Variants in RASGRP3 observed in about 807,000 individuals in gnomAD.
RASGRP3 encodes ras guanyl-releasing protein 3.
A neutral mutation model predicts 82.7 loss-of-function variants in RASGRP3; 54 were observed. The ratio of observed to expected loss-of-function variants is 0.65; its 90% CI spans 0.52 to 0.82. The LOEUF is 0.82. Ranked by LOEUF, RASGRP3 falls within the 40% of genes least tolerant of loss-of-function variation. RASGRP3 has a pLI of 0.00. For synonymous variants in RASGRP3, 309 were observed against 300.5 expected, an observed-to-expected ratio of 1.03 and a Z score of -0.29; for missense variants, 861 against 828.9, an observed-to-expected ratio of 1.04 and a Z score of -0.48.
chr2:33,466,052 T>C (rs1666678211), intron 2 of RASGRP3, among the ~76,000 whole-genome samples: 1 of 152,026 alleles, frequency 6.6e-6, no homozygotes. Flanking sequence ...AGTGTAGATG[T>C]ACAAAGAGAT....
chr2:33,509,290 T>C (rs1246186169), intron 1 of RASGRP3, among the ~76,000 whole-genome samples: 1 of 151,738 alleles, frequency 6.6e-6, no homozygotes, highest in Non-Finnish European at 1.5e-5. Flanking sequence ...TAATCACAGC[T>C]ACTTGGGAGG....
chr2:33,559,652 G>C (rs763617627), intron 17 of RASGRP3: 4 of 518,252 alleles, frequency 7.7e-6, no homozygotes, highest in African/African-American at 7.7e-5. Flanking sequence ...AAATTTATTA[G>C]TTAACAGTCT....
intron 17 of RASGRP3, among the ~76,000 whole-genome samples, chr2:33,560,835 AT>A (rs2151123904): frequency 6.6e-6 from 1 of 152,320 alleles, no homozygotes; most frequent in Admixed American, 6.5e-5. Flanking sequence ...GCTCATTACT[AT>A]TGGCCTCTCA....
chr2:33,557,401 T>G (rs1404253627), intron 15 of RASGRP3, among the ~76,000 whole-genome samples: 1 of 151,770 alleles, frequency 6.6e-6, no homozygotes, highest in Admixed American at 6.6e-5. Flanking sequence ...TTTTGGAAAA[T>G]GAAGAAGAGT....
At position 33,449,309 on chromosome 2, in the gene RASGRP3, C is replaced by A. The variant is rs189440036; in HGVS notation, c.-261+1366C>A. Among the ~76,000 whole-genome samples the A allele has an allele frequency of 5.3e-3, 813 of 152,270 alleles. 7 individuals carry two copies. Among genetic ancestry groups the A allele is most frequent in the Non-Finnish European group, 9.5e-3 (649 of 68,018 alleles). On this transcript the variant is annotated intron_variant, in intron 2 of 18. Transcript: ENST00000402538. ...ATATGCATATATGTTTTTTCTCAAC[C>A]AACCTTTCGTCATTGCAATTGAGAC...
At chr2:33,442,881 TTG>T (rs1235418509) in intron 1 of RASGRP3, among the ~76,000 whole-genome samples, 41 of 40,836 alleles carry the variant, frequency 1.0e-3, no homozygotes, top group Non-Finnish European at 1.6e-3. Context: ...GAAATCACTA[TTG>T]TTTTTTTTTT....
At chr2:33,472,270 C>T (rs1667102041), upstream of RASGRP3, among the ~76,000 whole-genome samples, 1 of 152,124 alleles carries the variant, frequency 6.6e-6, no homozygotes, top group Admixed American at 6.5e-5. Context: ...CACATGTAGA[C>T]CTAATTATAA....
chr2:33,533,400 G>C (rs1176719536), intron 10 of RASGRP3: 1 of 152,140 alleles, frequency 6.6e-6, no homozygotes, highest in Non-Finnish European at 1.5e-5. Flanking sequence ...GGGCCCCTAT[G>C]CATAGTAATA....
chr2:33,504,581 C>T (rs1395902014), intron 1 of RASGRP3, among the ~76,000 whole-genome samples: 3 of 152,318 alleles, frequency 2.0e-5, no homozygotes, highest in Non-Finnish European at 2.9e-5. Flanking sequence ...TGCTGCATTC[C>T]TGTGGAGCAA....
intron 2 of RASGRP3, among the ~76,000 whole-genome samples, chr2:33,467,068 C>A (rs1666739009): frequency 6.6e-6 from 1 of 150,472 alleles, no homozygotes; most frequent in African/African-American, 2.5e-5. Context: ...AACATACTAA[C>A]TATATATATA....
intron 11 of RASGRP3, among the ~76,000 whole-genome samples, chr2:33,538,842 C>A (rs2151066743): frequency 6.6e-6 from 1 of 152,096 alleles, no homozygotes; most frequent in Non-Finnish European, 1.5e-5. Flanking sequence ...AGTTAGAGAC[C>A]AGCCTGTGCA....
chr2:33,562,571 A>G lies in RASGRP3; in HGVS notation c.2065-158A>G, dbSNP rs1267897788. On this transcript the variant is annotated intron_variant, in intron 17 of 17. Transcript: ENST00000403687. ...TAGGTGTGAGCCACTGCACCCAGCT[A>G]CCTACATGATCTCCTAATTCCCACT... Among the ~76,000 whole-genome samples the G allele has an allele frequency of 3.9e-5, 6 of 152,184 alleles. No individual in the cohort carries two copies. The East Asian group carries it at 5.8e-4, about 15-fold the overall frequency.
At chr2:33,546,572 C>T (rs138092946) in intron 13 of RASGRP3, among the ~76,000 whole-genome samples, 31 of 152,240 alleles carry the variant, frequency 2.0e-4, no homozygotes, top group Admixed American at 3.3e-4. Context: ...AACAGAACTA[C>T]ACTTCAACCC....
At chr2:33,514,874 T>C (rs896139663) in intron 2 of RASGRP3, 136 bp from the exon 3 acceptor site, 53 of 453,744 alleles carry the variant, frequency 1.2e-4, no homozygotes, top group African/African-American at 9.9e-4. Context: ...GTTGATGTAA[T>C]CTCAGTCACT....
At chr2:33,462,602 T>G (rs2150901542) in intron 2 of RASGRP3, among the ~76,000 whole-genome samples, 1 of 152,214 alleles carries the variant, frequency 6.6e-6, no homozygotes, top group South Asian at 2.1e-4. Context: ...GGTTTCAAAC[T>G]CCTGACCTCA....
intron 2 of RASGRP3, among the ~76,000 whole-genome samples, chr2:33,465,277 G>C (rs1460743638): frequency 6.6e-6 from 1 of 152,216 alleles, no homozygotes; most frequent in Admixed American, 6.5e-5. Flanking sequence ...GCTTAATCTA[G>C]AGCAAAGTCC....
chr2:33,445,600 A>G (rs187049268), intron 1 of RASGRP3, among the ~76,000 whole-genome samples: 1 of 152,190 alleles, frequency 6.6e-6, no homozygotes, highest in Admixed American at 6.5e-5. Flanking sequence ...CTACAACGAA[A>G]TTATTACAAT....
intron 9 of RASGRP3, among the ~76,000 whole-genome samples, chr2:33,524,893 C>T (rs372610432): frequency 8.0e-4 from 121 of 151,824 alleles, no homozygotes; most frequent in Middle Eastern, 3.4e-3. Context: ...TCCTGGCTAA[C>T]GTGGTGAAAC....
chr2:33,492,612 C>G (rs916669361), intron 1 of RASGRP3, among the ~76,000 whole-genome samples: 2 of 152,160 alleles, frequency 1.3e-5, no homozygotes, highest in African/African-American at 4.8e-5. Context: ...GGAAGGGACA[C>G]CAGGCTTCTC....
Sources: allele counts gnomAD v4.1 joint callset (sites outside exome capture counted in the v4.1 genomes callset), GRCh38; gene constraint gnomAD v4.1.1; transcripts MANE v1.5; gene names NCBI Gene and HGNC (gene_info 2026-07-23, HGNC 2026-07-21).